EPM2A: variants seen among roughly 807,000 people sequenced by gnomAD.
The protein encoded by EPM2A is laforin.
EPM2A carries 21 observed loss-of-function variants against 26.5 expected under a neutral mutation model. The ratio of observed to expected loss-of-function variants is 0.79; its 90% CI spans 0.56 to 1.14. The LOEUF (loss-of-function observed/expected upper bound fraction) is 1.14. Ranked by LOEUF, EPM2A falls within the 50% of genes most tolerant of loss-of-function variation. EPM2A has a pLI of 0.00. For synonymous variants in EPM2A, 217 were observed against 177.6 expected (o/e 1.22, Z -1.76); for missense variants, 458 against 440.8 (o/e 1.04, Z -0.35).
intron 2 of EPM2A, among the ~76,000 whole-genome samples, chr6:145,503,090 C>T (rs1223874858): frequency 6.6e-6 from 1 of 152,154 alleles, no homozygotes; most frequent in Non-Finnish European, 1.5e-5. Context: ...TACAGACTAT[C>T]ATCTGTCCTT....
At chr6:145,640,422 G>A (rs931714338) in intron 2 of EPM2A, 13 of 152,148 alleles carry the variant, frequency 8.5e-5, no homozygotes, top group African/African-American at 3.1e-4. Flanking sequence ...CAGGAATAAT[G>A]GAACCAGCTT....
Position 145,490,214 on chromosome 6 carries a change from T to C in EPM2A, c.555+12308A>G, listed in dbSNP as rs1779737103. 1.9e-5 allele frequency: 21 copies of C among 1,127,372 alleles called. 1 individual carries two copies. The East Asian group carries it at 5.0e-4, about 27-fold the overall frequency. 69.8% of individuals were successfully genotyped at this position (1,127,372 alleles called of 1,614,324 possible). On this transcript the variant is annotated intron_variant, in intron 4 of 4. Coordinates refer to the EPM2A transcript ENST00000638717. Reference sequence around the variant, plus strand: ...AGTGTCACTGAGATGCCTCATTAATTTACTTCCTTGCATAAACCACAAGTC... The same window carrying C: ...AGTGTCACTGAGATGCCTCATTAATCTACTTCCTTGCATAAACCACAAGTC...
chr6:145,487,094 T>C (rs1418272186), intron 4 of EPM2A, among the ~76,000 whole-genome samples: 1 of 152,166 alleles, frequency 6.6e-6, no homozygotes, highest in African/African-American at 2.4e-5. Flanking sequence ...ACGTTGTACT[T>C]GATTTTCTGT....
At chr6:145,490,129 G>T in intron 4 of EPM2A, 1 of 1,146,196 alleles carries the variant, frequency 8.7e-7, no homozygotes, top group Non-Finnish European at 1.3e-6. Flanking sequence ...ATATGTCACA[G>T]GTTCAGTTTG....
chr6:145,705,374 T>TACACATGCAC (rs1488150247), intron 1 of EPM2A, among the ~76,000 whole-genome samples: 5 of 152,080 alleles, frequency 3.3e-5, no homozygotes, highest in Non-Finnish European at 7.4e-5. Flanking sequence ...TAGATAGATA[T>TACACATGCAC]ACACATGCAC....
chr6:145,423,467 CTG>C (rs553232010), intron 4 of EPM2A, among the ~76,000 whole-genome samples: 367 of 152,220 alleles, frequency 2.4e-3, no homozygotes, highest in Non-Finnish European at 4.2e-3. Context: ...AAGATATGTC[CTG>C]TCATATGGAA....
chr6:145,712,492 G>A (rs865871137), intron 1 of EPM2A, among the ~76,000 whole-genome samples: 5 of 152,100 alleles, frequency 3.3e-5, no homozygotes, highest in African/African-American at 1.2e-4. Flanking sequence ...TTACCAGTAT[G>A]ATCCTGAAGA....
At chr6:145,595,943 G>A (rs1412477224) in intron 2 of EPM2A, among the ~76,000 whole-genome samples, 1 of 152,148 alleles carries the variant, frequency 6.6e-6, no homozygotes, top group Non-Finnish European at 1.5e-5. Context: ...GATGAATAAT[G>A]TTGGCTGCTG....
intron 1 of EPM2A, among the ~76,000 whole-genome samples, chr6:145,711,879 T>A (rs956644760): frequency 1.3e-5 from 2 of 152,112 alleles, no homozygotes; most frequent in African/African-American, 4.8e-5. Context: ...GTGGAAAAAC[T>A]ATGCACAGGT....
chr6:145,733,301 A>G (rs1466130245), intron 1 of EPM2A, among the ~76,000 whole-genome samples: 1 of 104,702 alleles, frequency 9.6e-6, no homozygotes, highest in Admixed American at 1.2e-4. Flanking sequence ...AACTGAAAAT[A>G]ATAGTAAAAA....
chr6:145,653,575 T>C (rs943770041), intron 2 of EPM2A, among the ~76,000 whole-genome samples: 2 of 152,232 alleles, frequency 1.3e-5, no homozygotes, highest in Admixed American at 6.5e-5. Context: ...AAATAGGACA[T>C]GTGCATATGT....
chr6:145,442,648 G>A (rs1779080109), intron 4 of EPM2A, among the ~76,000 whole-genome samples: 1 of 151,234 alleles, frequency 6.6e-6, no homozygotes, highest in Non-Finnish European at 1.5e-5. Context: ...GATTTGGTTG[G>A]GGACACAGAC....
chr6:145,520,454 G>A (rs978603936), intron 2 of EPM2A, among the ~76,000 whole-genome samples: 6 of 151,962 alleles, frequency 3.9e-5, no homozygotes, highest in African/African-American at 9.7e-5. Flanking sequence ...CTAAAATTCC[G>A]TCATAGTCAC....
intron 4 of EPM2A, among the ~76,000 whole-genome samples, chr6:145,482,497 A>G (rs1779622539): frequency 6.6e-6 from 1 of 152,150 alleles, no homozygotes; most frequent in African/African-American, 2.4e-5. Context: ...GTCCATGGAT[A>G]CCAATAAAGA....
chr6:145,466,472 T>C lies in EPM2A; in HGVS notation c.555+36050A>G, dbSNP rs563057001. On this transcript the variant is annotated intron_variant, in intron 4 of 4. Coordinates refer to the EPM2A transcript ENST00000638717. ...CATTTCACACCAGTTAGAATGGCAA[T>C]CATTAAAAAGTCAGGAAACAACAGG... 4.5e-4 allele frequency among the ~76,000 whole-genome samples: 68 copies of C among 152,172 alleles called. 2 individuals are homozygous for C. In the South Asian group the frequency reaches 0.014, roughly 32 times the overall value.
intron 1 of EPM2A, among the ~76,000 whole-genome samples, chr6:145,734,000 G>A (rs1299507139): frequency 6.6e-5 from 10 of 152,036 alleles, no homozygotes. Context: ...GGCGGGAGCC[G>A]ACATTAGATA....
intron 4 of EPM2A, among the ~76,000 whole-genome samples, chr6:145,396,269 C>A (rs951674378): frequency 1.3e-5 from 2 of 152,166 alleles, no homozygotes; most frequent in Non-Finnish European, 2.9e-5. Context: ...CACTACCCCT[C>A]CTTCTTCCCG....
rs1401940084 is a variant in EPM2A, at chr6:145,461,574, C to T, written c.555+40948G>A. ...AAAACCCAATACCATATGTTGTGTA[C>T]GGTCTCACAGGAAAAAGAGACTGTT... On this transcript the variant is annotated intron_variant, in intron 4 of 4. Transcript: ENST00000638717. Among the ~76,000 whole-genome samples the T allele has an allele frequency of 3.9e-5, 6 of 151,986 alleles. No homozygotes were observed. In the South Asian group the frequency reaches 6.2e-4, roughly 16 times the overall value.
intron 3 of EPM2A, chr6:145,631,869 T>TCACACA (rs1181731371): frequency 1.4e-5 from 2 of 146,126 alleles, no homozygotes; most frequent in Admixed American, 1.4e-4. Flanking sequence ...TCTCTCTCTC[T>TCACACA]CTCACACACA....
Sources: gnomAD v4.1 joint callset for allele counts (sites outside exome capture counted in the v4.1 genomes callset) on GRCh38, gnomAD v4.1.1 for gene constraint, MANE v1.5 for transcripts, NCBI Gene and HGNC (gene_info 2026-07-23, HGNC 2026-07-21) for gene names.